The following LRRC37A2 variants were observed in gnomAD, a reference collection of about 807,000 sequenced individuals.
The protein encoded by LRRC37A2 is leucine-rich repeat-containing protein 37A2.
Under a neutral mutation model 68.8 loss-of-function variants are expected in LRRC37A2, and 9 were observed. That is an observed-to-expected ratio of 0.13 (90% CI 0.08 to 0.23). The LOEUF (loss-of-function observed/expected upper bound fraction) is 0.23. Among genes scored for constraint, LRRC37A2 ranks in the 10% least tolerant of loss-of-function variants. The probability of loss-of-function intolerance (pLI) is 1.00; values close to 1 mark genes in which losing one functional copy is unlikely to be tolerated. For synonymous variants in LRRC37A2, 63 were observed against 367.6 expected (o/e 0.17, Z 9.48); for missense variants, 168 against 950.4 (o/e 0.18, Z 10.82).
chr17:46,663,150 TA>T, the LRRC37A2 span, among the ~76,000 whole-genome samples: 8 of 82,618 alleles, frequency 9.7e-5, 1 homozygote, highest in East Asian at 2.6e-4. Context: ...CATATACACT[TA>T]AAAAAAATAA....
the LRRC37A2 span, among the ~76,000 whole-genome samples, chr17:46,966,330 G>A: frequency 4.6e-5 from 7 of 152,224 alleles, no homozygotes; most frequent in East Asian, 1.4e-3. Flanking sequence ...GTTGCCCAGG[G>A]TGCAGTGCAG....
intron 6 of LRRC37A2, among the ~76,000 whole-genome samples, chr17:46,534,739 G>GCCTCC: frequency 6.7e-6 from 1 of 150,092 alleles, no homozygotes; most frequent in Non-Finnish European, 1.5e-5. Flanking sequence ...TGGCGGCCGG[G>GCCTCC]CAGAGGGGCT....
At chr17:46,946,282 CAAAAAAAAAAA>C in the LRRC37A2 span, among the ~76,000 whole-genome samples, 6 of 126,722 alleles carry the variant, frequency 4.7e-5, no homozygotes, top group South Asian at 2.5e-4. Flanking sequence ...CTAAAAATAC[CAAAAAAAAAAA>C]AAAAAAAAAG....
At chr17:46,774,099 G>A in the LRRC37A2 span, among the ~76,000 whole-genome samples, 1 of 152,232 alleles carries the variant, frequency 6.6e-6, no homozygotes, top group Non-Finnish European at 1.5e-5. Context: ...ACCCACGCAA[G>A]TCAGCCCTCT....
At chr17:46,635,880 G>A in the LRRC37A2 span, among the ~76,000 whole-genome samples, 1 of 121,348 alleles carries the variant, frequency 8.2e-6, no homozygotes, top group Non-Finnish European at 1.8e-5. Context: ...GCGTAATCAA[G>A]TTGCCCTCCT....
the LRRC37A2 span, among the ~76,000 whole-genome samples, chr17:46,419,102 T>C: frequency 9.5e-6 from 1 of 105,360 alleles, no homozygotes; most frequent in Non-Finnish European, 2.2e-5. Flanking sequence ...AGCTGTTTTT[T>C]TGTGTCAAAC....
At chr17:46,870,593 C>T in the LRRC37A2 span, among the ~76,000 whole-genome samples, 1 of 144,110 alleles carries the variant, frequency 6.9e-6, no homozygotes, top group Admixed American at 6.8e-5. Flanking sequence ...GATGGGTTGA[C>T]TGCACCTGAT....
the LRRC37A2 span, among the ~76,000 whole-genome samples, chr17:46,947,936 T>C: frequency 6.6e-5 from 10 of 152,180 alleles, no homozygotes; most frequent in African/African-American, 2.4e-4. Flanking sequence ...GCCTGGCTAA[T>C]TTTTCGTGTT....
chr17:46,814,191 C>T, the LRRC37A2 span, among the ~76,000 whole-genome samples: 2 of 152,192 alleles, frequency 1.3e-5, no homozygotes, highest in Non-Finnish European at 2.9e-5. Flanking sequence ...CACCTCTTGG[C>T]CCCGGAGCTG....
At chr17:46,865,696 G>A in the LRRC37A2 span, among the ~76,000 whole-genome samples, 1 of 152,124 alleles carries the variant, frequency 6.6e-6, no homozygotes, top group African/African-American at 2.4e-5. Flanking sequence ...GCCCACTGCA[G>A]CCTTGACCTC....
At chr17:46,823,637 G>A in the LRRC37A2 span, among the ~76,000 whole-genome samples, 2 of 151,964 alleles carry the variant, frequency 1.3e-5, no homozygotes, top group African/African-American at 2.4e-5. Context: ...ACAGGGTTTC[G>A]CCATGTTAGC....
In LRRC37A2 at chr17:46,534,197, G is replaced by GT. The variant is rs1555646672; in HGVS notation, c.2907-5971dup. Among the ~76,000 whole-genome samples the GT allele has an allele frequency of 3.0e-3, 451 of 148,816 alleles. 10 individuals carry two copies. The highest frequency in any genetic ancestry group is 0.019 in the South Asian group (88 of 4,722). On this transcript the variant is annotated intron_variant, in intron 6 of 14. Coordinates refer to ENST00000576629, the Ensembl canonical transcript of LRRC37A2. ...CCCAGTTTTTTTTGTTTTTGTTTTT[G>GT]TTTTTTTTAATTTTTTTTTATTGAT...
the LRRC37A2 span, among the ~76,000 whole-genome samples, chr17:46,780,603 C>T: frequency 1.3e-5 from 2 of 151,956 alleles, no homozygotes; most frequent in African/African-American, 4.8e-5. Context: ...GGTGAAACCC[C>T]GTCTCTACTA....
the LRRC37A2 span, among the ~76,000 whole-genome samples, chr17:46,974,062 G>A: frequency 2.0e-5 from 3 of 152,232 alleles, no homozygotes; most frequent in Non-Finnish European, 2.9e-5. Flanking sequence ...ATGTGGTGAT[G>A]TAAGCCCTCC....
chr17:46,929,052 A>T, the LRRC37A2 span, among the ~76,000 whole-genome samples: 2 of 151,784 alleles, frequency 1.3e-5, no homozygotes, highest in African/African-American at 4.8e-5. Flanking sequence ...ATTCCTCATT[A>T]TGTTGTTTCT....
At chr17:46,882,256 C>T in the LRRC37A2 span, among the ~76,000 whole-genome samples, 1 of 152,228 alleles carries the variant, frequency 6.6e-6, no homozygotes, top group African/African-American at 2.4e-5. Context: ...CTCCAGCTCC[C>T]TGTAATCTAG....
At chr17:46,412,366 T>TTCA in the LRRC37A2 span, among the ~76,000 whole-genome samples, 10 of 112,584 alleles carry the variant, frequency 8.9e-5, no homozygotes, top group East Asian at 2.3e-3. Flanking sequence ...GCCGGAAGTC[T>TTCA]GAAATCAAGC....
At chr17:46,821,356 C>T in the LRRC37A2 span, 1 of 152,288 alleles carries the variant, frequency 6.6e-6, no homozygotes, top group Admixed American at 6.5e-5. Flanking sequence ...CCCCAGGTGT[C>T]CTTCCTTCAA....
chr17:47,028,378 T>G, the LRRC37A2 span: 2 of 1,364,722 alleles, frequency 1.5e-6, no homozygotes, highest in Non-Finnish European at 2.1e-6. Flanking sequence ...AAATAGAAGA[T>G]GAATACATGT....
Sources: gnomAD v4.1 joint callset for allele counts (sites outside exome capture counted in the v4.1 genomes callset) on GRCh38, gnomAD v4.1.1 for gene constraint, MANE v1.5 for transcripts, NCBI Gene and HGNC (gene_info 2026-07-23, HGNC 2026-07-21) for gene names.